ARF4: variants seen among roughly 807,000 people sequenced by gnomAD.
ARF4 encodes the protein ARF GTPase 4.
Under a neutral mutation model 24.3 loss-of-function variants are expected in ARF4, and 5 were observed. The observed-to-expected ratio is 0.21, with a 90% CI of 0.11 to 0.43. The LOEUF is 0.43. Ranked by LOEUF, ARF4 falls within the 20% of genes least tolerant of loss-of-function variation. The pLI is 1.00. For synonymous variants in ARF4, 62 were observed against 73.5 expected (o/e 0.84, Z 0.80); for missense variants, 107 against 213.0 (o/e 0.50, Z 3.10).
chr3:57,587,097 T>A (rs2070047432), intron 1 of ARF4, among the ~76,000 whole-genome samples: 1 of 152,038 alleles, frequency 6.6e-6, no homozygotes, highest in South Asian at 2.1e-4. Context: ...GGTGGGCGAA[T>A]CACCTGAGGC....
intron 3 of ARF4, among the ~76,000 whole-genome samples, chr3:57,581,521 C>A (rs9879889): frequency 0.4 from 61,447 of 152,202 alleles, 13,296 homozygotes; most frequent in South Asian, 0.56. Flanking sequence ...AATATATTGG[C>A]CAAGCGCAGT....
At chr3:57,589,059 G>A (rs1273891213) in intron 1 of ARF4, among the ~76,000 whole-genome samples, 2 of 151,050 alleles carry the variant, frequency 1.3e-5, no homozygotes, top group African/African-American at 4.9e-5. Context: ...CTGAGATCGC[G>A]CCATTACACT....
rs1230852535 is a variant in ARF4, at chr3:57,597,185, G to T, written c.-45C>A. On this transcript the variant is annotated 5_prime_UTR_variant, in exon 1 of 6. Coordinates refer to ENST00000303436, the MANE Select transcript of ARF4 (RefSeq NM_001660.4). ...ATGGGCAGAAGCAGAAGGGGTTTGG[G>T]GCGACCCCGTGCTTTCTCCTTTCAA... 17 of 1,568,322 alleles carry T rather than the reference G, an allele frequency of 1.1e-5. No homozygotes were observed. The highest frequency in any genetic ancestry group is 1.5e-5 in the Non-Finnish European group (17 of 1,140,464).
At chr3:57,576,730 C>A (rs747181254) in intron 4 of ARF4, among the ~76,000 whole-genome samples, 7 of 152,034 alleles carry the variant, frequency 4.6e-5, no homozygotes, top group Non-Finnish European at 1.0e-4. Flanking sequence ...CCATTTAGTA[C>A]ATTTAACAAC....
intron 5 of ARF4, 139 bp from the exon 6 acceptor site, chr3:57,572,437 T>C: frequency 1.6e-6 from 1 of 619,628 alleles, no homozygotes. Context: ...AAGCTACTTC[T>C]GGCTGGGCGT....
At chr3:57,581,040 T>C (rs766174919) in intron 3 of ARF4, among the ~76,000 whole-genome samples, 2 of 152,224 alleles carry the variant, frequency 1.3e-5, no homozygotes, top group Non-Finnish European at 1.5e-5. Flanking sequence ...GAAGAAAAGC[T>C]AGGATTCTAC....
intron 1 of ARF4, 89 bp downstream of exon 1, chr3:57,596,985 G>T: frequency 7.1e-7 from 1 of 1,414,934 alleles, no homozygotes; most frequent in East Asian, 2.4e-5. Flanking sequence ...ACCACAGCGG[G>T]CGGAGGAAAA....
intron 1 of ARF4, among the ~76,000 whole-genome samples, chr3:57,591,108 T>A (rs1339772573): frequency 1.3e-5 from 2 of 152,148 alleles, no homozygotes; most frequent in African/African-American, 4.8e-5. Context: ...ATTAGAACCC[T>A]CATATATTGC....
chr3:57,595,724 G>A (rs1443645723), intron 1 of ARF4, among the ~76,000 whole-genome samples: 1 of 152,160 alleles, frequency 6.6e-6, no homozygotes, highest in Non-Finnish European at 1.5e-5. Context: ...CTGGGTGGGT[G>A]GATCACCTGA....
At position 57,576,712 on chromosome 3, in the gene ARF4, G is replaced by T. The variant is rs536228505; in HGVS notation, c.330+604C>A. Among the ~76,000 whole-genome samples, 330 of 152,128 alleles carry T rather than the reference G, an allele frequency of 2.2e-3. 1 individual carries two copies. The highest frequency in any genetic ancestry group is 3.4e-3 in the Admixed American group (52 of 15,264). The stretch of plus-strand genomic sequence containing the variant: ...AAAATCATGACAAGGATTCTCAGCA[G>T]TCTTCCTCCATTTAGTACATTTAAC... On this transcript the variant is annotated intron_variant, in intron 4 of 5. Transcript: ENST00000303436.
chr3:57,576,504 CTTT>C (rs376750506), intron 4 of ARF4, among the ~76,000 whole-genome samples: 4 of 101,608 alleles, frequency 3.9e-5, no homozygotes, highest in Admixed American at 1.1e-4. Context: ...CTCAACCAAG[CTTT>C]TTTTTTTTTT....
At chr3:57,572,429 G>A in intron 5 of ARF4, 131 bp from the exon 6 acceptor site, 1 of 644,998 alleles carries the variant, frequency 1.6e-6, no homozygotes, top group Non-Finnish European at 2.6e-6. Flanking sequence ...CATATTTAAA[G>A]CTACTTCTGG....
At chr3:57,580,773 T>A (rs1389410261) in intron 3 of ARF4, among the ~76,000 whole-genome samples, 1 of 144,438 alleles carries the variant, frequency 6.9e-6, no homozygotes, top group African/African-American at 2.5e-5. Flanking sequence ...CCATTTTTAT[T>A]CTTTTTTTTT....
chr3:57,590,693 T>A (rs2070102605), intron 1 of ARF4, among the ~76,000 whole-genome samples: 1 of 152,188 alleles, frequency 6.6e-6, no homozygotes, highest in Non-Finnish European at 1.5e-5. Context: ...TACATTTGTT[T>A]TTTGAGACAG....
chr3:57,596,166 C>A (rs149251302), intron 1 of ARF4, among the ~76,000 whole-genome samples: 132 of 152,024 alleles, frequency 8.7e-4, no homozygotes, highest in African/African-American at 3.0e-3. Flanking sequence ...CAAAAACACG[C>A]CCCCTAAAAA....
At chr3:57,579,377 T>A (rs116713334) in intron 3 of ARF4, among the ~76,000 whole-genome samples, 3,647 of 149,718 alleles carry the variant, frequency 0.024, 68 homozygotes, top group Middle Eastern at 0.035. Flanking sequence ...AAACCCCTCC[T>A]CCCAGTTTCA....
At chr3:57,583,159 G>A (rs1003642261) in intron 3 of ARF4, among the ~76,000 whole-genome samples, 2 of 152,160 alleles carry the variant, frequency 1.3e-5, no homozygotes, top group Non-Finnish European at 2.9e-5. Context: ...AGCACAACCC[G>A]AGAACTTGCT....
chr3:57,590,297 C>T (rs1031126997), intron 1 of ARF4, among the ~76,000 whole-genome samples: 6 of 151,226 alleles, frequency 4.0e-5, no homozygotes, highest in Non-Finnish European at 7.4e-5. Context: ...CCAGCCTGGC[C>T]AAGATGGTGA....
At chr3:57,595,588 C>T (rs2070171057) in intron 1 of ARF4, among the ~76,000 whole-genome samples, 1 of 152,200 alleles carries the variant, frequency 6.6e-6, no homozygotes, top group South Asian at 2.1e-4. Context: ...TATACTGTTA[C>T]TCTTTATATA....
Sources: gnomAD v4.1 joint callset for allele counts (sites outside exome capture counted in the v4.1 genomes callset) on GRCh38, gnomAD v4.1.1 for gene constraint, MANE v1.5 for transcripts, NCBI Gene and HGNC (gene_info 2026-07-23, HGNC 2026-07-21) for gene names.